Variants in MAGI2 observed in about 807,000 individuals in gnomAD.
The protein encoded by MAGI2 is membrane-associated guanylate kinase, WW and PDZ domain-containing protein 2.
Under a neutral mutation model 133.3 loss-of-function variants are expected in MAGI2, and 35 were observed. The observed-to-expected ratio is 0.26, with a 90% confidence interval of 0.20 to 0.35. The LOEUF is 0.35. MAGI2 is among the 10% of genes least tolerant of loss of function. The pLI, the probability that MAGI2 is intolerant of heterozygous loss-of-function variation, is 1.00. For synonymous variants in MAGI2, 729 were observed against 710.6 expected, an observed-to-expected ratio of 1.03 and a Z score of -0.41; for missense variants, 1,636 against 1,863.4, an observed-to-expected ratio of 0.88 and a Z score of 2.25.
At chr7:78,706,650 CCAA>C (rs1818678406) in intron 2 of MAGI2, among the ~76,000 whole-genome samples, 1 of 151,952 alleles carries the variant, frequency 6.6e-6, no homozygotes, top group Non-Finnish European at 1.5e-5. Context: ...AAACAATTAG[CCAA>C]CAGTGTAATC....
Position 78,189,785 on chromosome 7 carries a change from T to G in MAGI2, c.2270-4115A>C, listed in dbSNP as rs564077298. On this transcript the variant is annotated intron_variant, in intron 12 of 21. Transcript: ENST00000354212. ...CAGTGTGGAACAGGCCCAAGAAATGTCCCCATGAGCTGAATGATAAGACAA... is the reference window on the plus strand; with the variant it reads ...CAGTGTGGAACAGGCCCAAGAAATGGCCCCATGAGCTGAATGATAAGACAA... Among the ~76,000 whole-genome samples, 178 of 152,256 alleles carry G rather than the reference T, an allele frequency of 1.2e-3. 1 individual carries two copies. Among genetic ancestry groups the G allele is most frequent in the Non-Finnish European group, 5.9e-5 (4 of 68,014 alleles).
At chr7:78,433,666 A>G (rs1434929808) in intron 6 of MAGI2, among the ~76,000 whole-genome samples, 1 of 152,092 alleles carries the variant, frequency 6.6e-6, no homozygotes, top group Admixed American at 6.6e-5. Context: ...TCTGGATGAC[A>G]TCAGCATTCA....
intron 11 of MAGI2, among the ~76,000 whole-genome samples, chr7:78,196,270 C>T (rs1480340198): frequency 2.0e-5 from 3 of 152,038 alleles, no homozygotes; most frequent in Non-Finnish European, 4.4e-5. Flanking sequence ...TCCTGCCCCT[C>T]GCACCACTTC....
chr7:79,230,781 A>G (rs1031663946), intron 1 of MAGI2, among the ~76,000 whole-genome samples: 8 of 151,838 alleles, frequency 5.3e-5, no homozygotes, highest in African/African-American at 1.9e-4. Context: ...CGCTGTGCAG[A>G]AGCTCTTTAG....
intron 3 of MAGI2, among the ~76,000 whole-genome samples, chr7:78,573,712 T>A (rs1047851448): frequency 3.3e-5 from 5 of 151,616 alleles, no homozygotes; most frequent in Non-Finnish European, 7.4e-5. Flanking sequence ...AAAAAAAAAA[T>A]TTGATTGTAT....
chr7:79,236,311 A>T (rs191441613), intron 1 of MAGI2, among the ~76,000 whole-genome samples: 7 of 152,336 alleles, frequency 4.6e-5, no homozygotes, highest in Admixed American at 2.6e-4. Flanking sequence ...ACCAATTCAC[A>T]AAAGTGTCAA....
chr7:78,154,936 G>C (rs80113241), intron 16 of MAGI2, among the ~76,000 whole-genome samples: 1 of 43,518 alleles, frequency 2.3e-5, no homozygotes, highest in African/African-American at 6.3e-5. Context: ...CTAATCCATT[G>C]AGTCATAGGC....
rs1175030683 is a variant in MAGI2 at position 78,501,692 on chromosome 7, T to G, written c.850A>C (p.Lys284Gln). Residue 284 changes from lysine to glutamine, a missense_variant, in exon 5 of 22, where the codon AAG becomes CAG. Lys to Gln is a moderately conservative substitution (Grantham distance 53, BLOSUM62 1). Transcript: ENST00000354212. ...APVYSQPEEL[K>Q]EQMDDTKPTK... ...GGCTTTGTGTCATCCATCTGCTCCT[T>G]CAGCTCCTCAGGCTGACTGTACACT... 1.2e-6 allele frequency: 2 copies of G among 1,614,044 alleles called. No homozygotes were observed. Among genetic ancestry groups the G allele is most frequent in the African/African-American group, 2.7e-5 (2 of 74,912 alleles).
At chr7:78,795,490 A>G (rs1228974927) in intron 2 of MAGI2, among the ~76,000 whole-genome samples, 2 of 152,100 alleles carry the variant, frequency 1.3e-5, no homozygotes, top group Non-Finnish European at 2.9e-5. Flanking sequence ...AAACTTGAGA[A>G]GTGACACATC....
At chr7:79,267,927 A>C (rs905399183) in intron 1 of MAGI2, among the ~76,000 whole-genome samples, 1 of 152,164 alleles carries the variant, frequency 6.6e-6, no homozygotes, top group South Asian at 2.1e-4. Flanking sequence ...TTCTCTTTGG[A>C]AATTAAATGG....
At chr7:78,677,219 T>C (rs975270751) in intron 2 of MAGI2, among the ~76,000 whole-genome samples, 1 of 151,956 alleles carries the variant, frequency 6.6e-6, no homozygotes, top group South Asian at 2.1e-4. Flanking sequence ...TGCTATACTG[T>C]AGGTGTTATA....
At chr7:78,445,444 G>A (rs1407986406) in intron 6 of MAGI2, among the ~76,000 whole-genome samples, 1 of 152,012 alleles carries the variant, frequency 6.6e-6, no homozygotes, top group Non-Finnish European at 1.5e-5. Context: ...GGACCTATGT[G>A]CTGTATACTT....
chr7:79,129,380 G>A (rs549759962), intron 1 of MAGI2, among the ~76,000 whole-genome samples: 2 of 152,312 alleles, frequency 1.3e-5, no homozygotes, highest in Admixed American at 6.5e-5. Context: ...ATTGGGAACT[G>A]TCTTTAAATT....
intron 4 of MAGI2, among the ~76,000 whole-genome samples, chr7:78,504,342 T>G (rs1001046328): frequency 1.3e-5 from 2 of 152,208 alleles, no homozygotes; most frequent in Admixed American, 1.3e-4. Flanking sequence ...CTAATGTGTA[T>G]GTTTACTGAG....
intron 10 of MAGI2, among the ~76,000 whole-genome samples, chr7:78,215,956 G>T (rs1788231170): frequency 1.3e-5 from 2 of 152,048 alleles, no homozygotes; most frequent in African/African-American, 2.4e-5. Context: ...TGTTATTTTG[G>T]CACAATTTTT....
At chr7:78,923,735 T>G (rs1299172198) in intron 2 of MAGI2, among the ~76,000 whole-genome samples, 1 of 152,172 alleles carries the variant, frequency 6.6e-6, no homozygotes, top group Non-Finnish European at 1.5e-5. Context: ...GTGAAGAAAG[T>G]AATTGGTAGC....
chr7:78,702,427 T>C (rs956309866), intron 2 of MAGI2, among the ~76,000 whole-genome samples: 1 of 151,982 alleles, frequency 6.6e-6, no homozygotes, highest in East Asian at 1.9e-4. Flanking sequence ...AAGTTCTTTT[T>C]ATCTTGTTTA....
intron 2 of MAGI2, among the ~76,000 whole-genome samples, chr7:78,743,474 A>G (rs902296760): frequency 2.6e-5 from 4 of 152,200 alleles, no homozygotes; most frequent in African/African-American, 9.6e-5. Context: ...GAAAGGGTTA[A>G]GTGTTCTTTC....
rs10276574 is a variant in MAGI2 at position 78,867,648 on chromosome 7, A to G, written c.418+139442T>C. ...ATGGCAATGTATACATATGTAACTAACCTGCACATTGTGCACATGTACCCT... is the reference window on the plus strand; with the variant it reads ...ATGGCAATGTATACATATGTAACTAGCCTGCACATTGTGCACATGTACCCT... On this transcript the variant is annotated intron_variant, in intron 2 of 21. Transcript: ENST00000354212. 7.6e-3 allele frequency among the ~76,000 whole-genome samples: 1,153 copies of G among 151,914 alleles called. 20 individuals are homozygous for G. Among genetic ancestry groups the G allele is most frequent in the African/African-American group, 0.026 (1,088 of 41,384 alleles).
Sources: gnomAD v4.1 joint callset for allele counts (sites outside exome capture counted in the v4.1 genomes callset) on GRCh38, gnomAD v4.1.1 for gene constraint, MANE v1.5 for transcripts, NCBI Gene and HGNC (gene_info 2026-07-23, HGNC 2026-07-21) for gene names.